The following FAM171A1 variants were observed in gnomAD, a reference collection of about 807,000 sequenced individuals.
FAM171A1 encodes the protein protein FAM171A1.
In FAM171A1, 23 loss-of-function variants were observed where a neutral mutation model predicts 74.9. The ratio of observed to expected loss-of-function variants is 0.31; its 90% CI spans 0.22 to 0.44. The LOEUF (loss-of-function observed/expected upper bound fraction) is 0.44, where lower values mean the gene tolerates loss of function less well. Ranked by LOEUF, FAM171A1 falls within the 20% of genes least tolerant of loss-of-function variation. The pLI is 1.00. For missense variants in FAM171A1, 1,162 were observed against 1,159.2 expected, an observed-to-expected ratio of 1.00 and a Z score of -0.03; for synonymous variants, 527 against 505.7, an observed-to-expected ratio of 1.04 and a Z score of -0.57.
chr10:15,330,911 T>C (rs781641600), intron 1 of FAM171A1, among the ~76,000 whole-genome samples: 1 of 150,958 alleles, frequency 6.6e-6, no homozygotes, highest in Non-Finnish European at 1.5e-5. Flanking sequence ...TTTTTTGAGA[T>C]GGAGTCCTCA....
chr10:15,301,358 A>AT (rs200419682), intron 1 of FAM171A1, among the ~76,000 whole-genome samples: 2,284 of 137,820 alleles, frequency 0.017, 26 homozygotes, highest in Admixed American at 0.051. Flanking sequence ...ATATATATAT[A>AT]TATATTTTTT....
At chr10:15,367,231 CAA>C (rs1564293221) in intron 1 of FAM171A1, among the ~76,000 whole-genome samples, 1 of 152,096 alleles carries the variant, frequency 6.6e-6, no homozygotes, top group African/African-American at 2.4e-5. Flanking sequence ...AACACACACA[CAA>C]AAACTGAGAA....
rs536820585 is a variant in FAM171A1 at position 15,287,615 on chromosome 10, T to C, written c.98-3510A>G. Among the ~76,000 whole-genome samples the C allele has an allele frequency of 4.0e-3, 610 of 152,204 alleles. 3 individuals are homozygous for C. The highest frequency in any genetic ancestry group is 0.014 in the African/African-American group (581 of 41,520). On this transcript the variant is annotated intron_variant, in intron 1 of 7. Coordinates refer to ENST00000378116, the MANE Select transcript of FAM171A1 (RefSeq NM_001010924.2). The stretch of plus-strand genomic sequence containing the variant: ...GTTGGCCGGGATGGTCTTGATCTCT[T>C]GACCTGGTGATCTGCCCGCCTTGGC...
At chr10:15,320,132 C>G (rs941887849) in intron 1 of FAM171A1, among the ~76,000 whole-genome samples, 2 of 152,164 alleles carry the variant, frequency 1.3e-5, no homozygotes, top group African/African-American at 4.8e-5. Flanking sequence ...CTCCCACCCT[C>G]CACTCTCAAG....
intron 1 of FAM171A1, among the ~76,000 whole-genome samples, chr10:15,356,663 T>C (rs1261667347): frequency 6.6e-6 from 1 of 152,122 alleles, no homozygotes; most frequent in African/African-American, 2.4e-5. Context: ...CAGTACTGAA[T>C]GATATGGGAT....
intron 7 of FAM171A1, 38 bp downstream of exon 7, chr10:15,215,958 G>T: frequency 7.3e-7 from 1 of 1,372,494 alleles, no homozygotes; most frequent in South Asian, 1.3e-5. Context: ...AAGAAACTGT[G>T]AATTAAAAAA....
At chr10:15,312,267 A>T (rs1323253048) in intron 1 of FAM171A1, among the ~76,000 whole-genome samples, 1 of 151,856 alleles carries the variant, frequency 6.6e-6, no homozygotes, top group Non-Finnish European at 1.5e-5. Context: ...TAAACAAAGC[A>T]GCAAGGTTAG....
chr10:15,323,305 T>G (rs965148154), intron 1 of FAM171A1, among the ~76,000 whole-genome samples: 2 of 151,692 alleles, frequency 1.3e-5, no homozygotes, highest in African/African-American at 4.8e-5. Context: ...ATACAAAAAT[T>G]AGCTTGGTGT....
chr10:15,266,476 A>T (rs1356657870), intron 3 of FAM171A1, among the ~76,000 whole-genome samples: 1 of 152,090 alleles, frequency 6.6e-6, no homozygotes, highest in African/African-American at 2.4e-5. Context: ...CCTGTCCAGG[A>T]AGGGTTTCCA....
chr10:15,361,519 C>CA (rs1392897015), intron 1 of FAM171A1, among the ~76,000 whole-genome samples: 1 of 152,018 alleles, frequency 6.6e-6, no homozygotes, highest in African/African-American at 2.4e-5. Flanking sequence ...CCTGTCTCTA[C>CA]AAAAAATACA....
chr10:15,360,695 T>C (rs1237008174), intron 1 of FAM171A1, among the ~76,000 whole-genome samples: 1 of 152,258 alleles, frequency 6.6e-6, no homozygotes, highest in African/African-American at 2.4e-5. Flanking sequence ...CCAGGAGACC[T>C]GATTTCAAGC....
At chr10:15,309,262 G>A (rs1037876447) in intron 1 of FAM171A1, among the ~76,000 whole-genome samples, 1 of 152,166 alleles carries the variant, frequency 6.6e-6, no homozygotes, top group Non-Finnish European at 1.5e-5. Flanking sequence ...AGGCTGGAGT[G>A]CAGGGGCACG....
intron 1 of FAM171A1, among the ~76,000 whole-genome samples, chr10:15,301,360 A>ATTTTTTT (rs201237307): frequency 7.2e-6 from 1 of 138,042 alleles, no homozygotes; most frequent in African/African-American, 2.8e-5. Context: ...ATATATATAT[A>ATTTTTTT]TATTTTTTTT....
intron 1 of FAM171A1, among the ~76,000 whole-genome samples, chr10:15,350,504 G>A (rs1257363462): frequency 6.6e-6 from 1 of 151,674 alleles, no homozygotes; most frequent in African/African-American, 2.4e-5. Flanking sequence ...ACCACGCCCA[G>A]CTAATTTTTT....
intron 1 of FAM171A1, among the ~76,000 whole-genome samples, chr10:15,327,674 T>G (rs1461175503): frequency 6.7e-6 from 1 of 149,768 alleles, no homozygotes; most frequent in Non-Finnish European, 1.5e-5. Context: ...AAATAAGGAA[T>G]ATGATAAATG....
At chr10:15,350,777 G>T (rs996126744) in intron 1 of FAM171A1, among the ~76,000 whole-genome samples, 1 of 152,092 alleles carries the variant, frequency 6.6e-6, no homozygotes. Context: ...CCAGTAGCTG[G>T]AATTACAGGT....
Position 15,331,819 on chromosome 10 carries a change from ATATATATGTGTGTATATATATGTGTG to A in FAM171A1, c.97+39111_97+39136del, listed in dbSNP as rs769657586. Among the ~76,000 whole-genome samples, 594 of 101,922 alleles carry A rather than the reference ATATATATGTGTGTATATATATGTGTG, an allele frequency of 5.8e-3. 9 individuals are homozygous for A. Among genetic ancestry groups the A allele is most frequent in the Non-Finnish European group, 8.5e-3 (406 of 48,012 alleles). 66.9% of individuals were successfully genotyped at this position (101,922 alleles called of 152,430 possible). A position where few individuals can be genotyped will look rare whatever the true frequency, so the allele number is the denominator to read the frequency against. On this transcript the variant is annotated intron_variant, in intron 1 of 7. Transcript: ENST00000378116. ...TGTGTATATATGTATATATGTGGGT[ATATATATGTGTGTATATATATGTGTG>A]TATATATATGTGTGTATATATATGT... is the stretch of plus-strand genomic sequence containing the variant.
At chr10:15,237,751 C>T (rs1286223840) in intron 5 of FAM171A1, 1 of 150,176 alleles carries the variant, frequency 6.7e-6, no homozygotes, top group Non-Finnish European at 1.5e-5. Context: ...TCACTTCAAT[C>T]GCTTTTTTTT....
chr10:15,331,845 G>GTGTATA (rs1332889318), intron 1 of FAM171A1, among the ~76,000 whole-genome samples: 1 of 55,344 alleles, frequency 1.8e-5, no homozygotes, highest in Non-Finnish European at 3.5e-5. Flanking sequence ...ATATATGTGT[G>GTGTATA]TATATATATG....
Sources: allele counts gnomAD v4.1 joint callset (sites outside exome capture counted in the v4.1 genomes callset), GRCh38; gene constraint gnomAD v4.1.1; transcripts MANE v1.5; gene names NCBI Gene and HGNC (gene_info 2026-07-23, HGNC 2026-07-21).